NCOR2: variants seen among roughly 807,000 people sequenced by gnomAD.
NCOR2 encodes the protein CTG repeat protein 26.
Under a neutral mutation model 262.9 loss-of-function variants are expected in NCOR2, and 81 were observed. The ratio of observed to expected loss-of-function variants is 0.31; its 90% CI spans 0.26 to 0.37. NCOR2 has a LOEUF of 0.37. Among genes scored for constraint, NCOR2 ranks in the 10% least tolerant of loss-of-function variants. NCOR2 has a pLI of 1.00. For missense variants in NCOR2, 3,385 were observed against 3,621.4 expected (o/e 0.93, Z 1.68); for synonymous variants, 1,659 against 1,559.3 (o/e 1.06, Z -1.51).
At chr12:124,489,944 C>T (rs894682477) in intron 1 of NCOR2, among the ~76,000 whole-genome samples, 1 of 152,152 alleles carries the variant, frequency 6.6e-6, no homozygotes, top group African/African-American at 2.4e-5. Flanking sequence ...CAAGGGAATG[C>T]CTGGGATTGC....
At chr12:124,567,557 G>C (rs1247063547), upstream of NCOR2, 2 of 146,416 alleles carry the variant, frequency 1.4e-5, no homozygotes, top group East Asian at 2.0e-4. Flanking sequence ...CGGGGCTCCG[G>C]TGCGGCCCGG....
chr12:124,366,976 T>C (rs1202597733), intron 20 of NCOR2, among the ~76,000 whole-genome samples: 1 of 152,222 alleles, frequency 6.6e-6, no homozygotes, highest in Non-Finnish European at 1.5e-5. Context: ...TTTTTATATG[T>C]GTGTACAAAT....
intron 1 of NCOR2, among the ~76,000 whole-genome samples, chr12:124,532,958 C>CT (rs1348639482): frequency 1.2e-3 from 25 of 20,094 alleles, no homozygotes; most frequent in Admixed American, 3.1e-3. Context: ...TCCCACTCCT[C>CT]TTCCCCCCTC....
intron 8 of NCOR2, among the ~76,000 whole-genome samples, chr12:124,433,092 C>G (rs2044066672): frequency 6.6e-6 from 1 of 152,228 alleles, no homozygotes; most frequent in Admixed American, 6.5e-5. Context: ...AAGCTGTGCC[C>G]TCCATCCTCG....
rs1244071 is a variant in NCOR2, at chr12:124,359,349, A to C, written c.3101-2567T>G. Among the ~76,000 whole-genome samples, 95 of 152,292 alleles carry C rather than the reference A, an allele frequency of 6.2e-4. 2 individuals carry two copies. In the South Asian group the frequency reaches 0.013, roughly 20 times the overall value. ...GGTTCTGAGGGCCCATCAGGGTGTG[A>C]CAGCGGAGGAGAGTGCTAAGATCAA... On this transcript the variant is annotated intron_variant, in intron 22 of 46. Transcript: ENST00000405201.
In NCOR2 at chr12:124,432,415, CCAT is replaced by C. The variant is rs1349094571; in HGVS notation, c.883-1631_883-1629del. 6.6e-6 allele frequency among the ~76,000 whole-genome samples: 1 copy of C among 152,190 alleles called. No homozygotes were observed. Among genetic ancestry groups the C allele is most frequent in the Non-Finnish European group, 1.5e-5 (1 of 68,034 alleles). ...CCTGGTCCCAAATGGAAGCCACCCACCATGTGTGGCTCAACTGAAATCACAAAT... is the reference window on the plus strand; with the variant it reads ...CCTGGTCCCAAATGGAAGCCACCCACGTGTGGCTCAACTGAAATCACAAAT... On this transcript the variant is annotated intron_variant, in intron 8 of 46. Transcript: ENST00000405201. This position sits in a 1 kb window ranked among gnomAD's most constrained non-coding sequence, Gnocchi z 5.1.
At chr12:124,433,193 GA>G (rs879732449) in intron 8 of NCOR2, among the ~76,000 whole-genome samples, 6 of 152,228 alleles carry the variant, frequency 3.9e-5, no homozygotes, top group Admixed American at 2.0e-4. Context: ...GCTGTGCCAG[GA>G]ACGCGCTGGA....
At chr12:124,564,778 G>A (rs1273010609) in intron 1 of NCOR2, among the ~76,000 whole-genome samples, 1 of 152,068 alleles carries the variant, frequency 6.6e-6, no homozygotes, top group Non-Finnish European at 1.5e-5. Context: ...CTATGAATGC[G>A]CCCCCTCTCA....
At chr12:124,384,710 G>A (rs1165139314) in intron 17 of NCOR2, among the ~76,000 whole-genome samples, 1 of 152,166 alleles carries the variant, frequency 6.6e-6, no homozygotes, top group Non-Finnish European at 1.5e-5. Context: ...CTGGGCCTCA[G>A]CAGGTTGCAC....
chr12:124,421,857 C>T (rs2043221222), intron 12 of NCOR2, among the ~76,000 whole-genome samples: 1 of 152,242 alleles, frequency 6.6e-6, no homozygotes, highest in African/African-American at 2.4e-5. Context: ...AAAACAACGG[C>T]TTTACCATTC....
intron 1 of NCOR2, among the ~76,000 whole-genome samples, chr12:124,502,159 G>A (rs958064471): frequency 3.3e-5 from 5 of 152,198 alleles, no homozygotes; most frequent in African/African-American, 1.2e-4. Flanking sequence ...CCGGTGGGAC[G>A]TGGCAAGGGT....
chr12:124,329,420 C>G (rs2034987082), intron 44 of NCOR2, among the ~76,000 whole-genome samples: 1 of 152,086 alleles, frequency 6.6e-6, no homozygotes, highest in Non-Finnish European at 1.5e-5. Context: ...AAGATTGCAC[C>G]ACTGCACTCC....
Position 124,363,812 on chromosome 12 carries a change from G to C in NCOR2, c.2808-13C>G. The C allele has an allele frequency of 3.0e-6, 4 of 1,337,460 alleles. No homozygotes were observed. Among genetic ancestry groups the C allele is most frequent in the Non-Finnish European group, 3.9e-6 (4 of 1,038,416 alleles). The allele number at this position is 1,337,460 out of a possible 1,614,324, so 82.8% of individuals were successfully genotyped here. A position where few individuals can be genotyped will look rare whatever the true frequency, so the allele number is the denominator to read the frequency against. Reference sequence around the variant, plus strand: ...TGGGGACAGCAGCCTGCGGGCACACGAGCACCATCAGCTGGGGGCCCACAG... The same window carrying C: ...TGGGGACAGCAGCCTGCGGGCACACCAGCACCATCAGCTGGGGGCCCACAG... On this transcript the variant is annotated splice_polypyrimidine_tract_variant and intron_variant, in intron 20 of 46. Coordinates refer to ENST00000405201, the Ensembl canonical transcript of NCOR2.
chr12:124,495,545 A>G (rs2048333367), upstream of NCOR2, among the ~76,000 whole-genome samples: 1 of 152,120 alleles, frequency 6.6e-6, no homozygotes, highest in Non-Finnish European at 1.5e-5. The surrounding 1 kb of genome is among the most constrained non-coding windows in gnomAD (Gnocchi z 4.4). Flanking sequence ...ACAAGGAGAC[A>G]GGCATGGCAT....
chr12:124,392,361 C>T (rs941263481), intron 16 of NCOR2, among the ~76,000 whole-genome samples: 8 of 152,314 alleles, frequency 5.3e-5, no homozygotes, highest in South Asian at 2.1e-4. Flanking sequence ...CTCACATATC[C>T]GGCCGGGAGG....
At chr12:124,544,275 G>A (rs2051473482) in intron 1 of NCOR2, among the ~76,000 whole-genome samples, 1 of 152,190 alleles carries the variant, frequency 6.6e-6, no homozygotes, top group African/African-American at 2.4e-5. Flanking sequence ...CCCACAGATA[G>A]GCAGAGCAAG....
chr12:124,370,677 C>T (rs1881072), intron 20 of NCOR2, among the ~76,000 whole-genome samples: 18,203 of 152,214 alleles, frequency 0.12, 1,296 homozygotes, highest in Non-Finnish European at 0.14. Context: ...ATCTTTGGTT[C>T]TGGGCTGGAG....
intron 1 of NCOR2, among the ~76,000 whole-genome samples, chr12:124,512,578 G>A (rs1035323329): frequency 1.3e-5 from 2 of 152,126 alleles, no homozygotes; most frequent in Non-Finnish European, 2.9e-5. Flanking sequence ...CTAACTCTTG[G>A]GGGTATCACC....
At chr12:124,547,193 A>G (rs1190149795) in intron 1 of NCOR2, among the ~76,000 whole-genome samples, 1 of 151,894 alleles carries the variant, frequency 6.6e-6, no homozygotes, top group Non-Finnish European at 1.5e-5. Flanking sequence ...GGGTTTCACC[A>G]TGTTGGCCAG....
Sources: allele counts gnomAD v4.1 joint callset (sites outside exome capture counted in the v4.1 genomes callset), GRCh38; gene constraint gnomAD v4.1.1; non-coding constraint Gnocchi (gnomAD v3.1); transcripts MANE v1.5; gene names NCBI Gene and HGNC (gene_info 2026-07-23, HGNC 2026-07-21).